Variants in CCDC157 observed in about 807,000 individuals in gnomAD.
The protein encoded by CCDC157 is coiled-coil domain-containing protein 157.
Under a neutral mutation model 70.9 loss-of-function variants are expected in CCDC157, and 60 were observed. The ratio of observed to expected loss-of-function variants is 0.85; its 90% CI spans 0.69 to 1.05. CCDC157 has a LOEUF of 1.05. Among genes scored for constraint, CCDC157 ranks in the 50% least tolerant of loss-of-function variants. The pLI is 0.00. For missense variants in CCDC157, 943 were observed against 984.2 expected (o/e 0.96, Z 0.56); for synonymous variants, 373 against 422.4 (o/e 0.88, Z 1.43).
At chr22:30,371,058 C>A in intron 5 of CCDC157, 108 bp downstream of exon 5, 1 of 1,365,032 alleles carries the variant, frequency 7.3e-7, no homozygotes, top group Admixed American at 2.4e-5. Flanking sequence ...TGTGGAAGAA[C>A]CCAGGCTGGG....
intron 1 of CCDC157, among the ~76,000 whole-genome samples, chr22:30,360,413 G>A (rs7291572): frequency 0.026 from 4,024 of 151,960 alleles, 173 homozygotes; most frequent in African/African-American, 0.093. Flanking sequence ...GCTGAGGCAG[G>A]AGAATGGCGT....
rs1277782225 is a variant in CCDC157 at position 30,377,397 on chromosome 22, G to A, written c.*652G>A. 1 of 155,158 alleles carries A rather than the reference G, an allele frequency of 6.4e-6. No individual in the cohort carries two copies. Among genetic ancestry groups the A allele is most frequent in the African/African-American group, 2.4e-5 (1 of 41,460 alleles). 9.6% of individuals were successfully genotyped at this position (155,158 alleles called of 1,614,324 possible). On this transcript the variant is annotated 3_prime_UTR_variant, in exon 12 of 12. Coordinates refer to ENST00000338306, the MANE Select transcript of CCDC157 (RefSeq NM_001017437.5). The stretch of plus-strand genomic sequence containing the variant: ...AAGCAGAGGACACCCTGCCAGCCCT[G>A]GCTTTCCCATCCCTGTCCCTTGGGG...
chr22:30,365,904 T>C, intron 2 of CCDC157, 86 bp from the exon 3 acceptor site: 2 of 1,314,756 alleles, frequency 1.5e-6, no homozygotes, highest in Non-Finnish European at 1.0e-6. Context: ...GCCTAGCAGC[T>C]CCTGGGCAGA....
In CCDC157 at chr22:30,371,743, ATAG is replaced by A; in HGVS notation, c.1123+17_1123+19del. The A allele has an allele frequency of 6.3e-7, 1 of 1,593,532 alleles. No homozygotes were observed. ...CAGGCTGTGGGTAAGGAGCCCCATC[ATAG>A]GCCCCCATGCCACATCTCAAGCCAG... On this transcript the variant is annotated intron_variant, in intron 6 of 11. Coordinates refer to ENST00000338306, the MANE Select transcript of CCDC157 (RefSeq NM_001017437.5).
chr22:30,359,931 G>A (rs933452962), intron 1 of CCDC157, among the ~76,000 whole-genome samples: 3 of 151,934 alleles, frequency 2.0e-5, no homozygotes, highest in Admixed American at 2.0e-4. Flanking sequence ...GATTGCTTGA[G>A]GCCAAGAGGC....
intron 7 of CCDC157, chr22:30,373,363 G>A (rs571065973): frequency 4.4e-5 from 24 of 547,798 alleles, no homozygotes; most frequent in African/African-American, 2.1e-4. Flanking sequence ...TCCAAGGGCC[G>A]GGGTCTTCAA....
chr22:30,376,758 G>A lies in CCDC157; in HGVS notation c.*13G>A. 6.2e-7 allele frequency: 1 copy of A among 1,601,478 alleles called. No individual in the cohort carries two copies. Among genetic ancestry groups the A allele is most frequent in the Non-Finnish European group, 8.5e-7 (1 of 1,171,672 alleles). ...GCGGCCCATGTAGCCTGTGGCCCAG[G>A]GCTGAGGCTGGATGGGAGGTGGCTG... On this transcript the variant is annotated 3_prime_UTR_variant, in exon 12 of 12. Transcript: ENST00000338306.
chr22:30,364,831 C>A (rs1428818242), intron 2 of CCDC157, among the ~76,000 whole-genome samples: 1 of 151,082 alleles, frequency 6.6e-6, no homozygotes. Flanking sequence ...AAAAAAAAAC[C>A]AAAAAACATA....
chr22:30,371,701 A>G lies in CCDC157; in HGVS notation c.1097A>G (p.Gln366Arg). 1.2e-6 allele frequency: 2 copies of G among 1,614,176 alleles called. No individual in the cohort carries two copies. The highest frequency in any genetic ancestry group is 3.3e-4 in the Middle Eastern group (2 of 6,060). Residue 366 changes from glutamine (Q) to arginine (R), a missense_variant, in exon 6 of 12, where the codon CAG becomes CGG. By Grantham distance (43) the Gln-to-Arg change is conservative. Transcript: ENST00000338306. ...KMATLERELK[Q>R]QRESTQAVEA... is the part of the protein sequence containing the mutation. ...GCCACCCTGGAGAGAGAACTGAAAC[A>G]GCAGCGGGAGTCCACACAGGCTGTG...
chr22:30,360,892 C>T (rs1302147414), intron 1 of CCDC157, among the ~76,000 whole-genome samples: 4 of 151,866 alleles, frequency 2.6e-5, no homozygotes, highest in Non-Finnish European at 5.9e-5. Context: ...ATAAAAAATA[C>T]AAAAATTCAC....
Position 30,376,256 on chromosome 22 carries a change from T to C in CCDC157, c.1858-3T>C. ...AAGACTGGCTTTTTTTTTTTTTTTG[T>C]AGCTGATCCCGCAGGACCGGCTCTG... On this transcript the variant is annotated splice_polypyrimidine_tract_variant and splice_region_variant and intron_variant, in intron 10 of 11. Coordinates refer to ENST00000338306, the MANE Select transcript of CCDC157 (RefSeq NM_001017437.5). 1 of 1,606,354 alleles carries C rather than the reference T, an allele frequency of 6.2e-7. No homozygotes were observed. The highest frequency in any genetic ancestry group is 8.5e-7 in the Non-Finnish European group (1 of 1,176,334).
intron 3 of CCDC157, among the ~76,000 whole-genome samples, chr22:30,368,267 C>T (rs1467731547): frequency 6.6e-6 from 1 of 152,176 alleles, no homozygotes; most frequent in Non-Finnish European, 1.5e-5. Context: ...TTCCTTTCTC[C>T]GTAACTTTAT....
chr22:30,376,694 T>C lies in CCDC157; in HGVS notation c.2208T>C (p.Pro736=). 1.2e-6 allele frequency: 2 copies of C among 1,613,418 alleles called. No individual in the cohort carries two copies. The highest frequency in any genetic ancestry group is 1.7e-6 in the Non-Finnish European group (2 of 1,180,006). ...VLVRLRKRLS[P]GRGQASSAHQ... Reference sequence around the variant, plus strand: ...TCAGGCTGAGAAAGAGACTGTCACCTGGCCGGGGACAGGCCAGCTCTGCAC... The same window carrying C: ...TCAGGCTGAGAAAGAGACTGTCACCCGGCCGGGGACAGGCCAGCTCTGCAC... Residue 736 remains proline, a synonymous_variant, in exon 12 of 12, where the codon CCT becomes CCC. Coordinates refer to ENST00000338306, the MANE Select transcript of CCDC157 (RefSeq NM_001017437.5).
At chr22:30,357,985 C>T (rs368804972) in intron 1 of CCDC157, among the ~76,000 whole-genome samples, 6 of 152,300 alleles carry the variant, frequency 3.9e-5, no homozygotes, top group Admixed American at 2.0e-4. Context: ...CTTCACCCCT[C>T]ACTCTCACAG....
upstream of CCDC157, chr22:30,356,644 A>G: frequency 1.8e-6 from 2 of 1,094,096 alleles, no homozygotes; most frequent in Non-Finnish European, 1.2e-6. Flanking sequence ...CAAGCCCTTC[A>G]TAGCGGCCGG....
intron 3 of CCDC157, 157 bp downstream of exon 3, chr22:30,366,405 G>C (rs924481290): frequency 1.3e-5 from 11 of 849,826 alleles, no homozygotes; most frequent in Non-Finnish European, 2.1e-5. Flanking sequence ...GACTTTCAAA[G>C]TGGTCTTACC....
chr22:30,365,303 C>T (rs1490755900), intron 2 of CCDC157, among the ~76,000 whole-genome samples: 4 of 144,486 alleles, frequency 2.8e-5, no homozygotes, highest in African/African-American at 1.0e-4. Context: ...GCATGAGCTG[C>T]AACTCGTAGC....
Position 30,376,418 on chromosome 22 carries a change from C to G in CCDC157, c.1947-15C>G. The G allele has an allele frequency of 6.2e-7, 1 of 1,613,838 alleles. No individual in the cohort carries two copies. Among genetic ancestry groups the G allele is most frequent in the Non-Finnish European group, 8.5e-7 (1 of 1,179,852 alleles). On this transcript the variant is annotated splice_polypyrimidine_tract_variant and intron_variant, in intron 11 of 11. Transcript: ENST00000338306. ...CCTGCATTCACAGGGGATCTTGGAT[C>G]TGGTTTTCCTTCAGGCCTCTGGGCA...
rs750119069 is a variant in CCDC157, at chr22:30,370,882, G to A, written c.977G>A (p.Arg326Gln). Reference sequence around the variant, plus strand: ...CTGAAACAGGAGCAGGGGGCACGGCGGCGACAGGCGGAGGAGGATGAGCAG... The same window carrying A: ...CTGAAACAGGAGCAGGGGGCACGGCAGCGACAGGCGGAGGAGGATGAGCAG... ...QALKQEQGARRRQAEEDEQCL... is the reference protein window; with the variant it reads ...QALKQEQGARQRQAEEDEQCL... Residue 326 changes from arginine to glutamine, a missense_variant, in exon 5 of 12, where the codon CGG (arginine) becomes CAG (glutamine). Physicochemically the swap from Arg to Gln is conservative, Grantham distance 43 (BLOSUM62 1). Transcript: ENST00000338306. 4.3e-6 allele frequency: 7 copies of A among 1,611,608 alleles called. No homozygotes were observed. Among genetic ancestry groups the A allele is most frequent in the African/African-American group, 1.3e-5 (1 of 75,046 alleles).
Sources: gnomAD v4.1 joint callset for allele counts (sites outside exome capture counted in the v4.1 genomes callset) on GRCh38, gnomAD v4.1.1 for gene constraint, MANE v1.5 for transcripts, NCBI Gene and HGNC (gene_info 2026-07-23, HGNC 2026-07-21) for gene names.